The following IQCJ variants were observed in gnomAD, a reference collection of about 807,000 sequenced individuals.
The protein encoded by IQCJ is IQ domain-containing protein J.
A neutral mutation model predicts 11.0 loss-of-function variants in IQCJ; 9 were observed. The observed-to-expected ratio is 0.82, with a 90% confidence interval of 0.49 to 1.43. The LOEUF (loss-of-function observed/expected upper bound fraction) is 1.43. Among genes scored for constraint, IQCJ ranks in the 40% most tolerant of loss-of-function variants. The pLI, the probability that IQCJ is intolerant of heterozygous loss-of-function variation, is 0.00. For synonymous variants in IQCJ, 55 were observed against 51.3 expected, an observed-to-expected ratio of 1.07 and a Z score of -0.31; for missense variants, 146 against 133.2, an observed-to-expected ratio of 1.10 and a Z score of -0.47.
At chr3:159,112,311 G>A (rs766077941) in intron 1 of IQCJ, among the ~76,000 whole-genome samples, 4 of 151,898 alleles carry the variant, frequency 2.6e-5, no homozygotes, top group Non-Finnish European at 5.9e-5. Context: ...CACCTATCCT[G>A]ACCCATAAAA....
intron 1 of IQCJ, 46 bp downstream of exon 1, chr3:159,069,487 A>T (rs1715391040): frequency 6.3e-7 from 1 of 1,578,392 alleles, no homozygotes. Context: ...TGTGCATTAT[A>T]TGCAGCTGCT....
chr3:159,227,104 C>G (rs1725902852), intron 1 of IQCJ, among the ~76,000 whole-genome samples: 1 of 152,110 alleles, frequency 6.6e-6, no homozygotes, highest in African/African-American at 2.4e-5. Flanking sequence ...ACAGGGAAAA[C>G]CTCCAAATGA....
rs116713371 is a variant in IQCJ at position 159,217,543 on chromosome 3, C to G, written c.10-28300C>G. Among the ~76,000 whole-genome samples the G allele has an allele frequency of 4.3e-3, 650 of 152,146 alleles. 10 individuals carry two copies. The highest frequency in any genetic ancestry group is 4.0e-3 in the Non-Finnish European group (274 of 67,986). Reference sequence around the variant, plus strand: ...TAATCTTGAATGTGTGTATTGTACTCAAAACAAAATACAACCTGCACAGCT... The same window carrying G: ...TAATCTTGAATGTGTGTATTGTACTGAAAACAAAATACAACCTGCACAGCT... On this transcript the variant is annotated intron_variant, in intron 1 of 3. Coordinates refer to ENST00000397832, the MANE Select transcript of IQCJ (RefSeq NM_001042706.3).
Position 159,154,996 on chromosome 3 carries a change from G to A in IQCJ, c.9+85555G>A, listed in dbSNP as rs75013873. ...CCCGCTTTCATCCTCTCCATCCTTC[G>A]CCATCCCCATTTCTATCTTTCTTCC... On this transcript the variant is annotated intron_variant, in intron 1 of 3. Transcript: ENST00000397832. Among the ~76,000 whole-genome samples the A allele has an allele frequency of 2.4e-3, 358 of 150,506 alleles. 1 individual carries two copies. The highest frequency in any genetic ancestry group is 8.2e-3 in the African/African-American group (334 of 40,900).
intron 1 of IQCJ, among the ~76,000 whole-genome samples, chr3:159,127,034 G>C (rs1240059244): frequency 4.6e-5 from 7 of 152,228 alleles, no homozygotes; most frequent in Non-Finnish European, 1.5e-5. Context: ...TTTGGCTCCT[G>C]TGTGGCACAG....
intron 2 of IQCJ, among the ~76,000 whole-genome samples, chr3:159,250,607 A>AGAGAGAATGAGTGCCCAGCAATT (rs1727539681): frequency 6.6e-6 from 1 of 152,188 alleles, no homozygotes; most frequent in Admixed American, 6.5e-5. Flanking sequence ...GGGCAGCAGG[A>AGAGAGAATGAGTGCCCAGCAATT]GAGAGAATGA....
chr3:159,257,428 T>G (rs1482975538), intron 3 of IQCJ, among the ~76,000 whole-genome samples: 1 of 152,182 alleles, frequency 6.6e-6, no homozygotes, highest in Non-Finnish European at 1.5e-5. Context: ...ACATTGACAT[T>G]CTTGACAGTC....
intron 1 of IQCJ, among the ~76,000 whole-genome samples, chr3:159,228,493 T>C (rs1406678460): frequency 6.6e-6 from 1 of 152,216 alleles, no homozygotes; most frequent in African/African-American, 2.4e-5. Flanking sequence ...TTGTGGACTT[T>C]AAAAAGTGAT....
chr3:159,076,371 G>T (rs1715918596), intron 1 of IQCJ, among the ~76,000 whole-genome samples: 1 of 152,046 alleles, frequency 6.6e-6, no homozygotes, highest in South Asian at 2.1e-4. Flanking sequence ...AAATATACAT[G>T]AATATTCCAA....
chr3:159,230,957 A>G (rs1726213379), intron 1 of IQCJ, among the ~76,000 whole-genome samples: 1 of 152,184 alleles, frequency 6.6e-6, no homozygotes, highest in African/African-American at 2.4e-5. Context: ...CTCTAAAATT[A>G]ATTCAAACTT....
intron 1 of IQCJ, among the ~76,000 whole-genome samples, chr3:159,103,748 G>A (rs985605481): frequency 6.6e-6 from 1 of 152,334 alleles, no homozygotes. Context: ...GGTTTGCTGG[G>A]ACAGAAGCAG....
chr3:159,145,455 C>T (rs776251307), intron 1 of IQCJ, among the ~76,000 whole-genome samples: 17 of 152,028 alleles, frequency 1.1e-4, no homozygotes, highest in Non-Finnish European at 1.5e-4. Context: ...CTAACTGTAT[C>T]ATAAGTAGCC....
intron 1 of IQCJ, chr3:159,069,940 T>C (rs1319308256): frequency 1.1e-5 from 3 of 263,676 alleles, no homozygotes; most frequent in East Asian, 9.1e-5. Context: ...AGAAGAGTTA[T>C]ATTGCTGCTG....
rs148394649 is a variant in IQCJ at position 159,144,609 on chromosome 3, T to G, written c.9+75168T>G. Among the ~76,000 whole-genome samples the G allele has an allele frequency of 2.2e-3, 329 of 152,180 alleles. 1 individual carries two copies. Among genetic ancestry groups the G allele is most frequent in the African/African-American group, 7.6e-3 (316 of 41,526 alleles). Reference sequence around the variant, plus strand: ...CCTGACTTCTGACTTCTGGTCTGTTTTTCAGTCTTACTGCCATATTCTATC... The same window carrying G: ...CCTGACTTCTGACTTCTGGTCTGTTGTTCAGTCTTACTGCCATATTCTATC... On this transcript the variant is annotated intron_variant, in intron 1 of 3. Transcript: ENST00000397832.
At chr3:159,186,874 GA>G (rs1209559049) in intron 1 of IQCJ, among the ~76,000 whole-genome samples, 3 of 152,182 alleles carry the variant, frequency 2.0e-5, no homozygotes, top group African/African-American at 7.2e-5. Context: ...GGTCATCTTT[GA>G]AAGGCTTTCT....
chr3:159,139,586 AGG>A (rs1479780958), intron 1 of IQCJ, among the ~76,000 whole-genome samples: 1 of 152,216 alleles, frequency 6.6e-6, no homozygotes, highest in East Asian at 1.9e-4. Context: ...CAGCAGCCAG[AGG>A]TGGTAACAAG....
chr3:159,243,197 T>C (rs1727040559), intron 1 of IQCJ, among the ~76,000 whole-genome samples: 1 of 152,170 alleles, frequency 6.6e-6, no homozygotes, highest in Non-Finnish European at 1.5e-5. Context: ...TCTTTATAAG[T>C]TAAACATGTA....
intron 1 of IQCJ, among the ~76,000 whole-genome samples, chr3:159,240,058 GGT>G (rs1470188235): frequency 6.6e-6 from 1 of 152,058 alleles, no homozygotes; most frequent in Non-Finnish European, 1.5e-5. Context: ...TTGGAGGTGG[GGT>G]GTGATATGAT....
downstream of IQCJ, chr3:159,265,484 C>A: frequency 8.8e-7 from 1 of 1,134,984 alleles, no homozygotes; most frequent in African/African-American, 1.5e-5. Context: ...TGAGCTTCCT[C>A]TAACAACCAT....
Sources: gnomAD v4.1 joint callset for allele counts (sites outside exome capture counted in the v4.1 genomes callset) on GRCh38, gnomAD v4.1.1 for gene constraint, MANE v1.5 for transcripts, NCBI Gene and HGNC (gene_info 2026-07-23, HGNC 2026-07-21) for gene names.